GULP1: variants seen among roughly 807,000 people sequenced by gnomAD.
The protein encoded by GULP1 is GULP PTB domain containing engulfment adaptor 1, also known as PTB domain-containing engulfment adapter protein 1.
In GULP1, 19 loss-of-function variants were observed where a neutral mutation model predicts 40.9. That is an observed-to-expected ratio of 0.46 (90% CI 0.32 to 0.68). The LOEUF (loss-of-function observed/expected upper bound fraction) is 0.68. GULP1 is among the 30% of genes least tolerant of loss of function. GULP1 has a pLI of 0.03. For synonymous variants in GULP1, 119 were observed against 117.6 expected, an observed-to-expected ratio of 1.01 and a Z score of -0.08; for missense variants, 312 against 362.2, an observed-to-expected ratio of 0.86 and a Z score of 1.12.
In GULP1 at chr2:188,502,541, C is replaced by T. The variant is rs552525414; in HGVS notation, c.90+19049C>T. On this transcript the variant is annotated intron_variant, in intron 4 of 11. Coordinates refer to ENST00000409830, the MANE Select transcript of GULP1 (RefSeq NM_016315.4). ...AAATTGTCTTCTTTTAGTCTATAAA[C>T]CTATGGATTGATATTTCCTGAGACC... is the stretch of plus-strand genomic sequence containing the variant. Among the ~76,000 whole-genome samples, 275 of 151,794 alleles carry T rather than the reference C, an allele frequency of 1.8e-3. 2 individuals carry two copies. The highest frequency in any genetic ancestry group is 6.4e-3 in the African/African-American group (264 of 41,426).
At chr2:188,491,872 A>G (rs2062424353) in intron 4 of GULP1, among the ~76,000 whole-genome samples, 1 of 152,148 alleles carries the variant, frequency 6.6e-6, no homozygotes, top group Admixed American at 6.6e-5. Context: ...CTTCATTTCC[A>G]GAGCTGTTAT....
At chr2:188,367,158 A>G (rs2046917592) in intron 1 of GULP1, among the ~76,000 whole-genome samples, 1 of 152,236 alleles carries the variant, frequency 6.6e-6, no homozygotes, top group African/African-American at 2.4e-5. Flanking sequence ...CCATAGAGAC[A>G]TTATCCCTGA....
chr2:188,510,856 T>C (rs1362310048), intron 4 of GULP1, among the ~76,000 whole-genome samples: 2 of 151,190 alleles, frequency 1.3e-5, no homozygotes, highest in African/African-American at 4.8e-5. Context: ...TTGGTAAGGA[T>C]TGTAGCTGCT....
At chr2:188,548,827 G>GGTTTGGTTTT (rs1553598078) in intron 7 of GULP1, among the ~76,000 whole-genome samples, 4 of 149,458 alleles carry the variant, frequency 2.7e-5, no homozygotes, top group Non-Finnish European at 6.0e-5. Context: ...GGGGAAAGAA[G>GGTTTGGTTTT]GTTTTGTTTT....
chr2:188,340,219 T>C (rs2042778498), intron 1 of GULP1, among the ~76,000 whole-genome samples: 1 of 152,216 alleles, frequency 6.6e-6, no homozygotes, highest in South Asian at 2.1e-4. Context: ...TAGATGATGT[T>C]AGGTCATTTT....
intron 4 of GULP1, among the ~76,000 whole-genome samples, chr2:188,505,943 TTA>T (rs1169379050): frequency 6.6e-6 from 1 of 151,844 alleles, no homozygotes; most frequent in Non-Finnish European, 1.5e-5. Flanking sequence ...CTGCATGACC[TTA>T]TTAATGAGAT....
intron 1 of GULP1, among the ~76,000 whole-genome samples, chr2:188,311,004 C>A (rs1231410158): frequency 6.6e-6 from 1 of 152,148 alleles, no homozygotes; most frequent in African/African-American, 2.4e-5. Context: ...CTGGCCAGGG[C>A]TTTGTGTTCA....
At chr2:188,580,757 T>C (rs1394836498) in intron 9 of GULP1, among the ~76,000 whole-genome samples, 2 of 152,162 alleles carry the variant, frequency 1.3e-5, no homozygotes, top group African/African-American at 2.4e-5. Flanking sequence ...GCCTCCTAGC[T>C]TAAGGACATA....
At position 188,506,268 on chromosome 2, in the gene GULP1, G is replaced by A. The variant is rs146924234; in HGVS notation, c.91-16488G>A. ...GATTTTCACTAATTAAATTCCTGGA[G>A]TTATAATGGGACATTAAAATTATTG... On this transcript the variant is annotated intron_variant, in intron 4 of 11. Transcript: ENST00000409830. Among the ~76,000 whole-genome samples the A allele has an allele frequency of 2.4e-3, 366 of 151,868 alleles. 2 individuals are homozygous for A. The highest frequency in any genetic ancestry group is 7.0e-3 in the Middle Eastern group (2 of 286).
chr2:188,345,915 T>A (rs2043586324), intron 1 of GULP1, among the ~76,000 whole-genome samples: 1 of 152,208 alleles, frequency 6.6e-6, no homozygotes, highest in Non-Finnish European at 1.5e-5. Context: ...TGTCACTCTG[T>A]CTGATGTTAT....
At position 188,436,578 on chromosome 2, in the gene GULP1, G is replaced by A. The variant is rs2057427502; in HGVS notation, c.-44-41081G>A. Among the ~76,000 whole-genome samples the A allele has an allele frequency of 2.0e-5, 3 of 151,800 alleles. No homozygotes were observed. In the South Asian group the frequency reaches 6.2e-4, roughly 32 times the overall value. Reference sequence around the variant, plus strand: ...TCTTTGACCCTTGATTTCTAAACTGGCAAACATGGATCCCTACAGGAAATT... The same window carrying A: ...TCTTTGACCCTTGATTTCTAAACTGACAAACATGGATCCCTACAGGAAATT... On this transcript the variant is annotated intron_variant, in intron 2 of 11. Coordinates refer to ENST00000409830, the MANE Select transcript of GULP1 (RefSeq NM_016315.4).
At chr2:188,540,396 G>T (rs1230482388) in intron 6 of GULP1, among the ~76,000 whole-genome samples, 1 of 149,966 alleles carries the variant, frequency 6.7e-6, no homozygotes, top group Non-Finnish European at 1.5e-5. Flanking sequence ...TTATTTTAAT[G>T]ATGTATATAC....
chr2:188,463,377 T>C (rs973174332), intron 2 of GULP1, among the ~76,000 whole-genome samples: 2 of 152,212 alleles, frequency 1.3e-5, no homozygotes, highest in Non-Finnish European at 2.9e-5. Flanking sequence ...AAAAGTCTAC[T>C]GTCAGATGTA....
chr2:188,416,063 T>C (rs1258804488), intron 2 of GULP1, among the ~76,000 whole-genome samples: 1 of 152,182 alleles, frequency 6.6e-6, no homozygotes, highest in Non-Finnish European at 1.5e-5. Context: ...AGTGGGAATA[T>C]ACTTTAGAAT....
At chr2:188,394,824 G>A (rs1177379872) in intron 2 of GULP1, among the ~76,000 whole-genome samples, 1 of 152,172 alleles carries the variant, frequency 6.6e-6, no homozygotes. Flanking sequence ...GTTATAGAGG[G>A]TGTTTGTATG....
chr2:188,327,459 G>C (rs1488654509), intron 1 of GULP1, among the ~76,000 whole-genome samples: 1 of 152,092 alleles, frequency 6.6e-6, no homozygotes, highest in Admixed American at 6.6e-5. Flanking sequence ...AAGTTTCCTT[G>C]GGACTGGTCA....
At chr2:188,417,792 G>C (rs77954872) in intron 2 of GULP1, among the ~76,000 whole-genome samples, 2,739 of 151,610 alleles carry the variant, frequency 0.018, 83 homozygotes, top group African/African-American at 0.061. Flanking sequence ...TTTTTTATTT[G>C]TATTTTATTT....
chr2:188,460,586 T>G (rs752866026), intron 2 of GULP1, among the ~76,000 whole-genome samples: 1 of 152,190 alleles, frequency 6.6e-6, no homozygotes, highest in Admixed American at 6.5e-5. Flanking sequence ...TAATATCCTT[T>G]CATCTGCAAA....
chr2:188,311,275 C>A (rs1010566498), intron 1 of GULP1, among the ~76,000 whole-genome samples: 2 of 152,082 alleles, frequency 1.3e-5, no homozygotes, highest in Non-Finnish European at 2.9e-5. Flanking sequence ...TGGCTCACTG[C>A]AAGCTCCACA....
Sources: gnomAD v4.1 joint callset for allele counts (sites outside exome capture counted in the v4.1 genomes callset) on GRCh38, gnomAD v4.1.1 for gene constraint, MANE v1.5 for transcripts, NCBI Gene and HGNC (gene_info 2026-07-23, HGNC 2026-07-21) for gene names.